DOCK5: variants seen among roughly 807,000 people sequenced by gnomAD.
The protein encoded by DOCK5 is dedicator of cytokinesis 5, also known as dedicator of cytokinesis protein 5.
Under a neutral mutation model 251.8 loss-of-function variants are expected in DOCK5, and 142 were observed. The ratio of observed to expected loss-of-function variants is 0.56; its 90% confidence interval spans 0.49 to 0.65. The LOEUF (loss-of-function observed/expected upper bound fraction) is 0.65. Among genes scored for constraint, DOCK5 ranks in the 30% least tolerant of loss-of-function variants. The pLI, the probability that DOCK5 is intolerant of heterozygous loss-of-function variation, is 0.00. For synonymous variants in DOCK5, 842 were observed against 835.5 expected (o/e 1.01, Z -0.13); for missense variants, 2,111 against 2,312.3 (o/e 0.91, Z 1.79).
chr8:25,379,225 A>G (rs1321100891), intron 38 of DOCK5, among the ~76,000 whole-genome samples: 1 of 152,228 alleles, frequency 6.6e-6, no homozygotes, highest in Non-Finnish European at 1.5e-5. Context: ...TCCCAACCCT[A>G]GTAAACCTGA....
intron 45 of DOCK5, among the ~76,000 whole-genome samples, chr8:25,397,435 C>T (rs186233161): frequency 7.9e-5 from 12 of 152,262 alleles, no homozygotes; most frequent in Non-Finnish European, 1.5e-4. Flanking sequence ...CTGTGGCTGC[C>T]ACTATGATCG....
rs1800785182 is a variant in DOCK5, at chr8:25,366,867, C to A, written c.3124-3C>A. ...CTTTACCCACACAATTAATTTTGAA[C>A]AGCTCTGGAACAATTACTTCCATTT... On this transcript the variant is annotated splice_polypyrimidine_tract_variant and splice_region_variant and intron_variant, in intron 30 of 51. Transcript: ENST00000276440. The A allele has an allele frequency of 6.2e-7, 1 of 1,610,322 alleles. No individual in the cohort carries two copies. The highest frequency in any genetic ancestry group is 8.5e-7 in the Non-Finnish European group (1 of 1,177,688).
intron 1 of DOCK5, among the ~76,000 whole-genome samples, chr8:25,188,075 G>A (rs546262583): frequency 1.3e-5 from 2 of 152,248 alleles, no homozygotes; most frequent in South Asian, 2.1e-4. Context: ...TTGGGGTGCC[G>A]TTCTAAAGTA....
At chr8:25,299,639 G>C (rs746013393) in intron 8 of DOCK5, among the ~76,000 whole-genome samples, 2 of 152,110 alleles carry the variant, frequency 1.3e-5, no homozygotes, top group Non-Finnish European at 2.9e-5. Flanking sequence ...TGAGGGGAGA[G>C]AATATGTTAT....
chr8:25,389,218 C>A lies in DOCK5; in HGVS notation c.4259C>A (p.Ser1420Ter). 1 of 1,613,934 alleles carries A rather than the reference C, an allele frequency of 6.2e-7. No homozygotes were observed. The highest frequency in any genetic ancestry group is 8.5e-7 in the Non-Finnish European group (1 of 1,179,860). Reference protein sequence around the residue: ...STTPPGEDIKSSPKQYMQCFT... With the variant: ...STTPPGEDIK Reference sequence around the variant, plus strand: ...ACGCCTCCTGGGGAAGACATCAAGTCGTCCCCCAAGCAGTGTATCCTTTCC... The same window carrying A: ...ACGCCTCCTGGGGAAGACATCAAGTAGTCCCCCAAGCAGTGTATCCTTTCC... Residue 1420 changes from serine to a stop codon, truncating the protein, a stop_gained, in exon 41 of 52, where the codon TCG becomes TAG. Transcript: ENST00000276440. LOFTEE classifies it high-confidence loss of function.
intron 1 of DOCK5, among the ~76,000 whole-genome samples, chr8:25,203,036 T>A (rs1287488755): frequency 6.6e-6 from 1 of 152,198 alleles, no homozygotes; most frequent in Admixed American, 6.5e-5. Flanking sequence ...TGCTTTCCTT[T>A]TCTTTAGCTT....
chr8:25,293,078 T>G (rs1804535810), intron 6 of DOCK5, among the ~76,000 whole-genome samples: 1 of 152,206 alleles, frequency 6.6e-6, no homozygotes, highest in Non-Finnish European at 1.5e-5. Context: ...CAGTCCTATA[T>G]CCAAATTGGT....
chr8:25,278,654 A>T lies in DOCK5; in HGVS notation c.310A>T (p.Lys104Ter). 6.2e-7 allele frequency: 1 copy of T among 1,613,822 alleles called. No individual in the cohort carries two copies. The highest frequency in any genetic ancestry group is 8.5e-7 in the Non-Finnish European group (1 of 1,179,832). Residue 104 changes from lysine (K) to a stop codon, truncating the protein, a stop_gained, in exon 5 of 52, where the codon AAG becomes TAG. Coordinates refer to ENST00000276440, the MANE Select transcript of DOCK5 (RefSeq NM_024940.8). LOFTEE classifies it high-confidence loss of function. The stretch of plus-strand genomic sequence containing the variant: ...GCGAGAATGGGCTGTCATCTGGCGA[A>T]AGCTCTACGTGGTGAGTTTCCCCTT... ...TLREWAVIWR[K>*]LYVNNKLTLF...
intron 1 of DOCK5, among the ~76,000 whole-genome samples, chr8:25,208,704 A>C (rs1378183565): frequency 6.6e-6 from 1 of 152,194 alleles, no homozygotes; most frequent in Non-Finnish European, 1.5e-5. Flanking sequence ...GAACCGAAAA[A>C]TTTGTGTGAT....
chr8:25,357,620 C>T (rs1296553539), intron 27 of DOCK5, among the ~76,000 whole-genome samples: 6 of 151,966 alleles, frequency 3.9e-5, no homozygotes, highest in East Asian at 1.9e-4. Flanking sequence ...TCAAGTGATC[C>T]GCCCACCTTG....
At chr8:25,263,719 C>T (rs1200690805) in intron 2 of DOCK5, among the ~76,000 whole-genome samples, 2 of 151,840 alleles carry the variant, frequency 1.3e-5, no homozygotes, top group East Asian at 3.9e-4. Flanking sequence ...CCGTCTGCTC[C>T]CTTACACGGA....
At chr8:25,308,687 C>T (rs1805009572) in intron 11 of DOCK5, 96 bp from the exon 12 acceptor site, 22 of 1,376,280 alleles carry the variant, frequency 1.6e-5, no homozygotes, top group Non-Finnish European at 1.7e-5. Flanking sequence ...TTGATATCTC[C>T]AAATTATTCC....
intron 2 of DOCK5, among the ~76,000 whole-genome samples, chr8:25,256,561 C>T (rs1803424388): frequency 6.6e-6 from 1 of 150,634 alleles, no homozygotes; most frequent in Non-Finnish European, 1.5e-5. Context: ...ATCACTTGAA[C>T]CTGGGAAGGA....
At chr8:25,375,800 A>G in intron 37 of DOCK5, 1 of 985,446 alleles carries the variant, frequency 1.0e-6, no homozygotes, top group Non-Finnish European at 1.2e-6. Context: ...GGCATTAAAA[A>G]GCTTATTGTA....
chr8:25,358,847 T>A (rs1800624743), intron 27 of DOCK5, 116 bp from the exon 28 acceptor site: 1 of 831,124 alleles, frequency 1.2e-6, no homozygotes, highest in African/African-American at 1.7e-5. Flanking sequence ...TCCAGTGTGG[T>A]GGGATACCTG....
chr8:25,291,148 T>C (rs1201478141), intron 5 of DOCK5, among the ~76,000 whole-genome samples: 2 of 152,028 alleles, frequency 1.3e-5, no homozygotes, highest in Admixed American at 6.6e-5. Context: ...CTGGAGGACA[T>C]TGAGACTCAC....
rs1397886766 is a variant in DOCK5, at chr8:25,385,891, T to C, written c.4131+3113T>C. ...AAAGACTTCAGAAAGAAAATGGCAT[T>C]TTTGCAAAAACCAGAAAAAAAGTTA... On this transcript the variant is annotated intron_variant, in intron 40 of 51. Transcript: ENST00000276440. Among the ~76,000 whole-genome samples the C allele has an allele frequency of 2.6e-5, 4 of 152,180 alleles. No individual in the cohort carries two copies. In the South Asian group the frequency reaches 8.3e-4, roughly 32 times the overall value.
At chr8:25,366,810 T>A (rs1800783959) in intron 30 of DOCK5, 60 bp from the exon 31 acceptor site, 10 of 1,310,710 alleles carry the variant, frequency 7.6e-6, no homozygotes, top group Non-Finnish European at 1.1e-5. Flanking sequence ...ATTGTTTTAT[T>A]ATGGCCCTTA....
At chr8:25,222,644 A>C (rs1009575306) in intron 1 of DOCK5, among the ~76,000 whole-genome samples, 35 of 152,172 alleles carry the variant, frequency 2.3e-4, no homozygotes, top group African/African-American at 8.2e-4. Flanking sequence ...GCACATTAGA[A>C]ATCCTTTCTT....
Sources: allele counts gnomAD v4.1 joint callset (sites outside exome capture counted in the v4.1 genomes callset), GRCh38; gene constraint gnomAD v4.1.1; transcripts MANE v1.5; gene names NCBI Gene and HGNC (gene_info 2026-07-23, HGNC 2026-07-21).